TCF25: variants seen among roughly 807,000 people sequenced by gnomAD.
The protein encoded by TCF25 is ribosome quality control complex subunit TCF25.
In TCF25, 41 loss-of-function variants were observed where a neutral mutation model predicts 83.1. That is an observed-to-expected ratio of 0.49 (90% CI 0.38 to 0.64). The LOEUF (loss-of-function observed/expected upper bound fraction) is 0.64. TCF25 is among the 30% of genes least tolerant of loss of function. TCF25 has a pLI of 0.00. For missense variants in TCF25, 979 were observed against 914.5 expected (o/e 1.07, Z -0.91); for synonymous variants, 458 against 365.0 (o/e 1.25, Z -2.90).
intron 15 of TCF25, 147 bp downstream of exon 15, chr16:89,906,431 G>C (rs1045866739): frequency 2.9e-6 from 2 of 696,748 alleles, no homozygotes; most frequent in African/African-American, 3.6e-5. Context: ...GTCTAGTGCA[G>C]AGGGCTCCTC....
At chr16:89,878,214 A>C (rs1330008967) in intron 1 of TCF25, among the ~76,000 whole-genome samples, 1 of 151,796 alleles carries the variant, frequency 6.6e-6, no homozygotes, top group Non-Finnish European at 1.5e-5. Context: ...CAGGAGGTCG[A>C]GGCTGCAGTG....
intron 9 of TCF25, among the ~76,000 whole-genome samples, chr16:89,897,819 CAAGATAA>C (rs1474777919): frequency 6.6e-6 from 1 of 151,950 alleles, no homozygotes; most frequent in Non-Finnish European, 1.5e-5. Flanking sequence ...AACAAAAAAA[CAAGATAA>C]AGATTTCAGC....
In TCF25 at chr16:89,873,630, C is replaced by T. The variant is rs1206320920; in HGVS notation, c.-38C>T. 6.0e-6 allele frequency: 9 copies of T among 1,488,826 alleles called. No individual in the cohort carries two copies. The highest frequency in any genetic ancestry group is 8.0e-6 in the Non-Finnish European group (9 of 1,123,508). The allele number at this position is 1,488,826 out of a possible 1,614,324, so 92.2% of individuals were successfully genotyped here. ...CCGACAGCCGAGTTTTCTGCGCTTCCTTCTCCCTCTCTCCAGACGTCGTGG... is the reference window on the plus strand; with the variant it reads ...CCGACAGCCGAGTTTTCTGCGCTTCTTTCTCCCTCTCTCCAGACGTCGTGG... On this transcript the variant is annotated 5_prime_UTR_variant, in exon 1 of 18. Transcript: ENST00000263346.
Position 89,904,923 on chromosome 16 carries a change from C to T in TCF25, c.1470-15C>T, listed in dbSNP as rs558400621. 7.5e-6 allele frequency: 12 copies of T among 1,598,098 alleles called. No individual in the cohort carries two copies. Among genetic ancestry groups the T allele is most frequent in the African/African-American group, 1.3e-5 (1 of 74,516 alleles). On this transcript the variant is annotated splice_polypyrimidine_tract_variant and intron_variant, in intron 13 of 17. Transcript: ENST00000263346. ...CTGAAGAGGGGTTCTGCTCAGAGCC[C>T]TTGCTCTCCCCCAGCCAGCCCCCTG... is the stretch of plus-strand genomic sequence containing the variant.
At chr16:89,884,287 T>G (rs751155081) in intron 2 of TCF25, among the ~76,000 whole-genome samples, 1 of 152,034 alleles carries the variant, frequency 6.6e-6, no homozygotes, top group Non-Finnish European at 1.5e-5. Context: ...GTGGCTGCAG[T>G]GTGGCAGGGA....
intron 16 of TCF25, chr16:89,910,351 A>G: frequency 1.8e-6 from 1 of 561,456 alleles, no homozygotes; most frequent in Non-Finnish European, 3.2e-6. Flanking sequence ...CGCCTGCCTC[A>G]GCTGAGTTGG....
chr16:89,911,059 A>G, intron 17 of TCF25, 21 bp from the exon 18 acceptor site: 1 of 1,609,346 alleles, frequency 6.2e-7, no homozygotes, highest in Non-Finnish European at 8.5e-7. Context: ...CCCCCTTCTC[A>G]GACATGTCCC....
Position 89,892,288 on chromosome 16 carries a change from A to G in TCF25, c.697+13A>G. Reference sequence around the variant, plus strand: ...TACAGCAAACCAGGTGAGGGTCTGCAGATGCTGCTGGGGATGGAGGGTTGG... The same window carrying G: ...TACAGCAAACCAGGTGAGGGTCTGCGGATGCTGCTGGGGATGGAGGGTTGG... On this transcript the variant is annotated intron_variant, in intron 6 of 17. Transcript: ENST00000263346. 1 of 1,600,144 alleles carries G rather than the reference A, an allele frequency of 6.2e-7. No individual in the cohort carries two copies. Among genetic ancestry groups the G allele is most frequent in the Non-Finnish European group, 8.5e-7 (1 of 1,172,652 alleles).
chr16:89,891,870 G>A (rs919442131), intron 5 of TCF25, among the ~76,000 whole-genome samples: 4 of 152,088 alleles, frequency 2.6e-5, no homozygotes, highest in African/African-American at 9.7e-5. Context: ...GGGTTTTGCT[G>A]TCTTGCCCAG....
At chr16:89,910,529 C>T (rs958436726) in intron 16 of TCF25, 62 bp from the exon 17 acceptor site, 29 of 1,576,448 alleles carry the variant, frequency 1.8e-5, no homozygotes, top group South Asian at 4.4e-5. Flanking sequence ...CCCCGTGAGC[C>T]GGGTTGGGTC....
At chr16:89,877,076 C>T (rs373959307) in intron 1 of TCF25, among the ~76,000 whole-genome samples, 53 of 150,904 alleles carry the variant, frequency 3.5e-4, no homozygotes, top group East Asian at 1.2e-3. Flanking sequence ...GGCTCCAGCC[C>T]GGGCAATACA....
intron 8 of TCF25, among the ~76,000 whole-genome samples, chr16:89,895,643 G>A (rs891616253): frequency 2.0e-5 from 3 of 152,212 alleles, no homozygotes; most frequent in Non-Finnish European, 2.9e-5. Context: ...ATTAGTTGAC[G>A]GCCGTGTGGG....
intron 12 of TCF25, among the ~76,000 whole-genome samples, chr16:89,901,351 T>C (rs8059075): frequency 0.096 from 14,616 of 151,808 alleles, 1,807 homozygotes; most frequent in African/African-American, 0.3. Flanking sequence ...CTCTTTAAGA[T>C]GGGCCTCCTC....
At chr16:89,892,823 G>A (rs1160451749) in intron 6 of TCF25, among the ~76,000 whole-genome samples, 2 of 152,180 alleles carry the variant, frequency 1.3e-5, no homozygotes, top group African/African-American at 2.4e-5. Context: ...TGAACTGTGG[G>A]GGCCCTCAGG....
In TCF25 at chr16:89,911,288, C is replaced by G. The variant is rs2045535192; in HGVS notation, c.*50C>G. On this transcript the variant is annotated 3_prime_UTR_variant, in exon 18 of 18. Coordinates refer to ENST00000263346, the MANE Select transcript of TCF25 (RefSeq NM_014972.3). ...CCGTATGATGATGTTCCCGATTTCT[C>G]TGTTGGTCGGAGTCGGCCAGTTGCC... is the stretch of plus-strand genomic sequence containing the variant. The G allele has an allele frequency of 6.2e-7, 1 of 1,600,338 alleles. No homozygotes were observed. The highest frequency in any genetic ancestry group is 2.2e-5 in the East Asian group (1 of 44,548).
intron 5 of TCF25, chr16:89,890,709 T>G (rs1044048606): frequency 6.6e-6 from 1 of 152,166 alleles, no homozygotes; most frequent in African/African-American, 2.4e-5. Context: ...TGGTCTGTCT[T>G]GGTCATTTCT....
intron 13 of TCF25, 167 bp from the exon 14 acceptor site, chr16:89,904,771 G>A (rs1321212136): frequency 1.3e-6 from 1 of 788,832 alleles, no homozygotes; most frequent in Non-Finnish European, 2.2e-6. Context: ...ACATACCTGT[G>A]TGCCCCAGCC....
intron 5 of TCF25, among the ~76,000 whole-genome samples, chr16:89,891,648 A>G (rs2043436971): frequency 6.6e-6 from 1 of 152,206 alleles, no homozygotes; most frequent in African/African-American, 2.4e-5. Context: ...CAGCATGGAA[A>G]AGGCATGGAG....
At position 89,898,780 on chromosome 16, in the gene TCF25, G is replaced by A. The variant is rs1597351459; in HGVS notation, c.1129G>A (p.Glu377Lys). 2 of 1,613,918 alleles carry A rather than the reference G, an allele frequency of 1.2e-6. No individual in the cohort carries two copies. Among genetic ancestry groups the A allele is most frequent in the South Asian group, 2.2e-5 (2 of 91,084 alleles). Residue 377 changes from glutamate to lysine, a missense_variant, in exon 11 of 18, where the codon GAG becomes AAG. Coordinates refer to ENST00000263346, the MANE Select transcript of TCF25 (RefSeq NM_014972.3). ...CKLILSLEPDEDPLCMLLLID... is the reference protein window; with the variant it reads ...CKLILSLEPDKDPLCMLLLID... ...TGCCTCCGGAAGTCTCGAGCCGGAT[G>A]AGGACCCCCTCTGCATGCTGCTGCT...
Sources: gnomAD v4.1 joint callset for allele counts (sites outside exome capture counted in the v4.1 genomes callset) on GRCh38, gnomAD v4.1.1 for gene constraint, MANE v1.5 for transcripts, NCBI Gene and HGNC (gene_info 2026-07-23, HGNC 2026-07-21) for gene names.